The following PCDHGB2 variants were observed in gnomAD, a reference collection of about 807,000 sequenced individuals.
The protein encoded by PCDHGB2 is protocadherin gamma-B2.
In PCDHGB2, 55 loss-of-function variants were observed where a neutral mutation model predicts 59.3. The ratio of observed to expected loss-of-function variants is 0.93; its 90% confidence interval spans 0.75 to 1.16. The LOEUF (loss-of-function observed/expected upper bound fraction) is 1.16. Ranked by LOEUF, PCDHGB2 falls within the 50% of genes most tolerant of loss-of-function variation. PCDHGB2 has a pLI of 0.00. For synonymous variants in PCDHGB2, 516 were observed against 512.0 expected, an observed-to-expected ratio of 1.01 and a Z score of -0.11; for missense variants, 1,228 against 1,198.5, an observed-to-expected ratio of 1.02 and a Z score of -0.36.
At chr5:141,364,378 C>G (rs1453338344) in intron 1 of PCDHGB2, 3 of 1,578,948 alleles carry the variant, frequency 1.9e-6, no homozygotes, top group African/African-American at 1.4e-5. Context: ...TGCTGCTGCC[C>G]TTCATGCTCC....
At position 141,486,209 on chromosome 5, in the gene PCDHGB2, A is replaced by C. The variant is rs749965379; in HGVS notation, c.2422-8598A>C. On this transcript the variant is annotated intron_variant, in intron 1 of 3. Transcript: ENST00000522605. The surrounding 1 kb of genome is among the most constrained non-coding windows in gnomAD (Gnocchi z 5.0). ...AGTGGATCTGCTGGACGTAAATGAC[A>C]ATGCCCCTTACATCACAGTGACCTC... 1 of 1,614,080 alleles carries C rather than the reference A, an allele frequency of 6.2e-7. No homozygotes were observed. Among genetic ancestry groups the C allele is most frequent in the South Asian group, 1.1e-5 (1 of 91,078 alleles).
intron 1 of PCDHGB2, among the ~76,000 whole-genome samples, chr5:141,448,871 G>A (rs1326162054): frequency 6.6e-6 from 1 of 152,148 alleles, no homozygotes; most frequent in Non-Finnish European, 1.5e-5. Flanking sequence ...CGTGAACCTG[G>A]GAGGCGGAGC....
chr5:141,437,628 T>C (rs2097897572), intron 1 of PCDHGB2, among the ~76,000 whole-genome samples: 1 of 152,212 alleles, frequency 6.6e-6, no homozygotes, highest in African/African-American at 2.4e-5. Context: ...CCATATAAGA[T>C]GTCAGGTTCA....
chr5:141,478,839 T>G, intron 1 of PCDHGB2: 6 of 1,423,322 alleles, frequency 4.2e-6, no homozygotes, highest in Non-Finnish European at 5.5e-6. Flanking sequence ...AAGGGATGGT[T>G]AAGCTAAAAC....
intron 1 of PCDHGB2, chr5:141,409,924 C>A (rs760490649): frequency 6.2e-7 from 1 of 1,613,416 alleles, no homozygotes; most frequent in Admixed American, 1.7e-5. Flanking sequence ...GCTCCGCGTT[C>A]TTCGATATGG....
chr5:141,446,482 CT>C (rs112180482), intron 1 of PCDHGB2, among the ~76,000 whole-genome samples: 30,290 of 146,632 alleles, frequency 0.21, 3,322 homozygotes, highest in African/African-American at 0.31. Flanking sequence ...GGTCATCATT[CT>C]TTTTTTTTTT....
intron 1 of PCDHGB2, chr5:141,378,892 G>A (rs1477205995): frequency 1.3e-5 from 2 of 152,204 alleles, no homozygotes; most frequent in Non-Finnish European, 2.9e-5. Context: ...AAGGAGATAG[G>A]AGATTCTGTT....
At chr5:141,481,838 T>G (rs1297962011) in intron 1 of PCDHGB2, among the ~76,000 whole-genome samples, 2 of 150,868 alleles carry the variant, frequency 1.3e-5, no homozygotes, top group African/African-American at 4.9e-5. Flanking sequence ...GGAGAATCGC[T>G]TGATGGTGGA....
chr5:141,492,859 C>T (rs966216924), intron 1 of PCDHGB2, among the ~76,000 whole-genome samples: 1 of 152,232 alleles, frequency 6.6e-6, no homozygotes, highest in Non-Finnish European at 1.5e-5. Flanking sequence ...CTCGAGCGCC[C>T]TGGCTCTCAA....
At chr5:141,404,532 A>G in intron 1 of PCDHGB2, 1 of 1,613,918 alleles carries the variant, frequency 6.2e-7, no homozygotes, top group Non-Finnish European at 8.5e-7. Context: ...CAGTTTAGAG[A>G]TTTGCAAATG....
At chr5:141,365,844 T>C (rs1264460635) in intron 1 of PCDHGB2, 2 of 1,613,980 alleles carry the variant, frequency 1.2e-6, no homozygotes, top group Non-Finnish European at 1.7e-6. Context: ...TCCTCCTATG[T>C]ATCCATTAAC....
rs2099697431 is a variant in PCDHGB2 at position 141,490,222 on chromosome 5, C to T, written c.2422-4585C>T. The T allele has an allele frequency of 6.2e-7, 1 of 1,614,094 alleles. No homozygotes were observed. Among genetic ancestry groups the T allele is most frequent in the African/African-American group, 1.3e-5 (1 of 74,934 alleles). On this transcript the variant is annotated intron_variant, in intron 1 of 3. Coordinates refer to ENST00000522605, the MANE Select transcript of PCDHGB2 (RefSeq NM_018923.3). This position sits in a 1 kb window ranked among gnomAD's most constrained non-coding sequence, Gnocchi z 5.4. The stretch of plus-strand genomic sequence containing the variant: ...TGCAAGAGCCCGTGACCAGGGACAG[C>T]CTGCCATGGAGGGCCACTGTGTGAT...
chr5:141,408,105 G>A (rs566753835), intron 1 of PCDHGB2: 22 of 1,439,788 alleles, frequency 1.5e-5, no homozygotes, highest in Admixed American at 8.2e-5. Context: ...TCCGAGACCC[G>A]GGACTCCTCC....
intron 1 of PCDHGB2, chr5:141,387,709 A>C (rs1404514491): frequency 3.7e-5 from 37 of 1,008,514 alleles, no homozygotes; most frequent in Admixed American, 1.5e-4. Flanking sequence ...GGGCAGCCCC[A>C]GCTCAGACTC....
chr5:141,460,498 T>C (rs1028506755), intron 1 of PCDHGB2, among the ~76,000 whole-genome samples: 3 of 152,184 alleles, frequency 2.0e-5, no homozygotes, highest in African/African-American at 7.2e-5. Context: ...TGGAAAAATA[T>C]GCTGAGAAGG....
At chr5:141,454,203 T>C (rs981646952) in intron 1 of PCDHGB2, among the ~76,000 whole-genome samples, 2 of 152,148 alleles carry the variant, frequency 1.3e-5, no homozygotes, top group African/African-American at 4.8e-5. Flanking sequence ...GGTGAATTTA[T>C]TGACATGAAT....
chr5:141,390,388 G>C, intron 1 of PCDHGB2: 1 of 1,423,474 alleles, frequency 7.0e-7, no homozygotes, highest in Admixed American at 2.1e-5. Context: ...TAGATGTCAT[G>C]GATCATTTTA....
chr5:141,366,152 C>T (rs62378419), intron 1 of PCDHGB2: 45,753 of 1,614,134 alleles, frequency 0.028, 734 homozygotes, highest in Middle Eastern at 0.089. Flanking sequence ...GTCCTACCGC[C>T]TGCTTAAGGC....
At chr5:141,419,826 C>T in intron 1 of PCDHGB2, 1 of 1,614,066 alleles carries the variant, frequency 6.2e-7, no homozygotes, top group Non-Finnish European at 8.5e-7. Flanking sequence ...CCCCTTTCAG[C>T]CACTGCCACG....
Sources: gnomAD v4.1 joint callset for allele counts (sites outside exome capture counted in the v4.1 genomes callset) on GRCh38, gnomAD v4.1.1 for gene constraint, Gnocchi (gnomAD v3.1) non-coding constraint, MANE v1.5 for transcripts, NCBI Gene and HGNC (gene_info 2026-07-23, HGNC 2026-07-21) for gene names.